The following FMNL3 variants were observed in gnomAD, a reference collection of about 807,000 sequenced individuals.
The protein encoded by FMNL3 is formin like 3.
FMNL3 carries 57 observed loss-of-function variants against 119.6 expected under a neutral mutation model. The ratio of observed to expected loss-of-function variants is 0.48; its 90% CI spans 0.39 to 0.59. The LOEUF (loss-of-function observed/expected upper bound fraction) is 0.59. FMNL3 is among the 20% of genes least tolerant of loss of function. The pLI is 0.00. For missense variants in FMNL3, 1,053 were observed against 1,323.5 expected, an observed-to-expected ratio of 0.80 and a Z score of 3.17; for synonymous variants, 491 against 507.3, an observed-to-expected ratio of 0.97 and a Z score of 0.43.
At chr12:49,655,087 C>T in intron 9 of FMNL3, 103 bp from the exon 10 acceptor site, 1 of 998,982 alleles carries the variant, frequency 1.0e-6, no homozygotes, top group Non-Finnish European at 1.5e-6. Context: ...TGGTTCAGAC[C>T]AAGCTTAACC....
intron 1 of FMNL3, among the ~76,000 whole-genome samples, chr12:49,697,107 G>A (rs1944771069): frequency 6.6e-6 from 1 of 152,200 alleles, no homozygotes. Flanking sequence ...GAGAACTACT[G>A]TTGACAGATC....
At chr12:49,682,260 C>T (rs1446745780) in intron 1 of FMNL3, among the ~76,000 whole-genome samples, 4 of 151,832 alleles carry the variant, frequency 2.6e-5, no homozygotes, top group Non-Finnish European at 5.9e-5. Flanking sequence ...TTAGTAGAGA[C>T]GGGGTTTCAC....
At chr12:49,689,790 A>C (rs1448954364) in intron 1 of FMNL3, among the ~76,000 whole-genome samples, 1 of 152,184 alleles carries the variant, frequency 6.6e-6, no homozygotes. Flanking sequence ...ATCTGTCTAT[A>C]ACTAAACTCC....
At chr12:49,651,145 C>T in intron 16 of FMNL3, 23 bp downstream of exon 16, 1 of 1,610,460 alleles carries the variant, frequency 6.2e-7, no homozygotes, top group Non-Finnish European at 8.5e-7. Context: ...AACCTTAGCC[C>T]TCTGGACCCC....
intron 13 of FMNL3, 33 bp downstream of exon 13, chr12:49,653,193 A>T: frequency 6.3e-7 from 1 of 1,591,448 alleles, no homozygotes; most frequent in Non-Finnish European, 8.6e-7. Flanking sequence ...GCCCAGGATC[A>T]GTCAGGGACT....
chr12:49,665,920 G>A lies in FMNL3; in HGVS notation c.292-12C>T. On this transcript the variant is annotated splice_polypyrimidine_tract_variant and intron_variant, in intron 3 of 25. Coordinates refer to ENST00000335154, the MANE Select transcript of FMNL3 (RefSeq NM_175736.5). The stretch of plus-strand genomic sequence containing the variant: ...CTCCTCCTGAACTTCTGTAAAAAGG[G>A]TAGGAAAGGAAGGGAATACAAGAGG... The A allele has an allele frequency of 6.2e-7, 1 of 1,613,826 alleles. No individual in the cohort carries two copies. The highest frequency in any genetic ancestry group is 8.5e-7 in the Non-Finnish European group (1 of 1,179,664).
At chr12:49,699,829 T>A (rs1038050367) in intron 1 of FMNL3, among the ~76,000 whole-genome samples, 1 of 152,222 alleles carries the variant, frequency 6.6e-6, no homozygotes, top group Admixed American at 6.5e-5. Flanking sequence ...CAAGATACCA[T>A]GTCTAATTAA....
At chr12:49,693,330 A>T (rs997844871) in intron 1 of FMNL3, among the ~76,000 whole-genome samples, 3 of 152,076 alleles carry the variant, frequency 2.0e-5, no homozygotes, top group African/African-American at 7.2e-5. Context: ...CAGGCAGATT[A>T]CATATACATA....
intron 1 of FMNL3, among the ~76,000 whole-genome samples, chr12:49,700,120 G>A (rs909955377): frequency 1.4e-4 from 22 of 152,196 alleles, no homozygotes; most frequent in African/African-American, 4.8e-5. Context: ...TAGGCTGGGC[G>A]TGGTGCTCAC....
chr12:49,690,965 C>A lies in FMNL3; in HGVS notation c.126+16090G>T, dbSNP rs990600644. On this transcript the variant is annotated intron_variant, in intron 1 of 25. Transcript: ENST00000335154. Reference sequence around the variant, plus strand: ...GGGTGAGGTGGGAGGATCACTTGAGCCCAGGAGGCTGAGGCTACAGTGAGC... The same window carrying A: ...GGGTGAGGTGGGAGGATCACTTGAGACCAGGAGGCTGAGGCTACAGTGAGC... Among the ~76,000 whole-genome samples the A allele has an allele frequency of 2.0e-5, 3 of 152,166 alleles. No homozygotes were observed. In the South Asian group the frequency reaches 6.2e-4, roughly 32 times the overall value.
At position 49,658,501 on chromosome 12, in the gene FMNL3, G is replaced by A. The variant is rs899233458; in HGVS notation, c.546C>T (p.Ser182=). 3.7e-6 allele frequency: 6 copies of A among 1,613,620 alleles called. No homozygotes were observed. Among genetic ancestry groups the A allele is most frequent in the Admixed American group, 1.7e-5 (1 of 59,982 alleles). The change falls in exon 6 of 26, where the codon AGC becomes AGT. Residue 182 remains serine (S), a synonymous_variant. Transcript: ENST00000335154. ...SRSIEDLQPP[S]ALSAPFTNSL... ...TGTTGGTGAAGGGGGCCGACAGGGC[G>A]CTGGGTGGCTGCAGGTCCTCGATTG...
chr12:49,703,198 CAACA>C (rs2139068108), intron 1 of FMNL3, among the ~76,000 whole-genome samples: 1 of 152,294 alleles, frequency 6.6e-6, no homozygotes, highest in Non-Finnish European at 1.5e-5. Flanking sequence ...AGTACAATCA[CAACA>C]AAGACAGACA....
intron 1 of FMNL3, among the ~76,000 whole-genome samples, chr12:49,669,574 G>A (rs1943985685): frequency 6.6e-6 from 1 of 152,184 alleles, no homozygotes; most frequent in African/African-American, 2.4e-5. Context: ...GCTCACACCT[G>A]TAATCCCAGC....
Position 49,641,855 on chromosome 12 carries a change from G to A in FMNL3, c.*3960C>T. 1 of 1,494,530 alleles carries A rather than the reference G, an allele frequency of 6.7e-7. No homozygotes were observed. The highest frequency in any genetic ancestry group is 9.3e-7 in the Non-Finnish European group (1 of 1,076,168). 92.6% of individuals were successfully genotyped at this position (1,494,530 alleles called of 1,614,324 possible). A position where few individuals can be genotyped will look rare whatever the true frequency, so the allele number is the denominator to read the frequency against. On this transcript the variant is annotated 3_prime_UTR_variant, in exon 26 of 26. Coordinates refer to ENST00000335154, the MANE Select transcript of FMNL3 (RefSeq NM_175736.5). Reference sequence around the variant, plus strand: ...TGTAATGTGACCACTCTGCCTGCCAGCTTTGGCCTCAGGCACGTGGTGCCC... The same window carrying A: ...TGTAATGTGACCACTCTGCCTGCCAACTTTGGCCTCAGGCACGTGGTGCCC...
intron 12 of FMNL3, 102 bp from the exon 13 acceptor site, chr12:49,653,429 G>A: frequency 8.5e-7 from 1 of 1,178,922 alleles, no homozygotes; most frequent in Non-Finnish European, 1.2e-6. Flanking sequence ...TCAACACAAG[G>A]CCACAAAGGC....
intron 16 of FMNL3, 89 bp downstream of exon 16, chr12:49,651,079 T>C: frequency 6.4e-7 from 1 of 1,572,460 alleles, no homozygotes; most frequent in Non-Finnish European, 8.7e-7. Context: ...TCACCCTGTC[T>C]GATGGCTTTT....
intron 1 of FMNL3, among the ~76,000 whole-genome samples, chr12:49,690,209 T>A (rs1944565948): frequency 6.6e-6 from 1 of 152,196 alleles, no homozygotes; most frequent in African/African-American, 2.4e-5. Flanking sequence ...ACACATTTTG[T>A]CTCTCCAACT....
At position 49,643,769 on chromosome 12, in the gene FMNL3, C is replaced by G. The variant is rs767237679; in HGVS notation, c.*2046G>C. 4 of 1,613,634 alleles carry G rather than the reference C, an allele frequency of 2.5e-6. No homozygotes were observed. In the East Asian group the frequency reaches 8.9e-5, roughly 36 times the overall value. On this transcript the variant is annotated 3_prime_UTR_variant, in exon 26 of 26. Coordinates refer to ENST00000335154, the MANE Select transcript of FMNL3 (RefSeq NM_175736.5). ...CACAAGTCGGTGAGTGAAGGAACTT[C>G]TACCTAAGCCCCTGCTATTTTGTGA...
At chr12:49,692,557 T>C (rs1944634107) in intron 1 of FMNL3, among the ~76,000 whole-genome samples, 1 of 152,242 alleles carries the variant, frequency 6.6e-6, no homozygotes, top group African/African-American at 2.4e-5. Flanking sequence ...TCTATGTATT[T>C]ATATACAACC....
Sources: gnomAD v4.1 joint callset for allele counts (sites outside exome capture counted in the v4.1 genomes callset) on GRCh38, gnomAD v4.1.1 for gene constraint, MANE v1.5 for transcripts, NCBI Gene and HGNC (gene_info 2026-07-23, HGNC 2026-07-21) for gene names.